PRIM2: variants seen among roughly 807,000 people sequenced by gnomAD.
PRIM2 encodes DNA primase large subunit.
A neutral mutation model predicts 67.3 loss-of-function variants in PRIM2; 39 were observed. That is an observed-to-expected ratio of 0.58 (90% CI 0.45 to 0.76). The LOEUF (loss-of-function observed/expected upper bound fraction) is 0.76. Among genes scored for constraint, PRIM2 ranks in the 30% least tolerant of loss-of-function variants. The pLI, the probability that PRIM2 is intolerant of heterozygous loss-of-function variation, is 0.00. For synonymous variants in PRIM2, 143 were observed against 198.7 expected (o/e 0.72, Z 2.36); for missense variants, 398 against 598.7 (o/e 0.66, Z 3.50).
At chr6:57,312,144 A>G (rs910730461), upstream of PRIM2, among the ~76,000 whole-genome samples, 1 of 152,082 alleles carries the variant, frequency 6.6e-6, no homozygotes, top group Non-Finnish European at 1.5e-5. Flanking sequence ...TGTTAATTTT[A>G]TCATCTCGCA....
rs539233787 is a variant in PRIM2, at chr6:57,403,954, G to A, written c.693+21786G>A. 3.4e-5 allele frequency among the ~76,000 whole-genome samples: 5 copies of A among 147,286 alleles called. 1 individual carries two copies. The South Asian group carries it at 1.1e-3, about 33-fold the overall frequency. On this transcript the variant is annotated intron_variant, in intron 7 of 13. Transcript: ENST00000615550. Reference sequence around the variant, plus strand: ...GGGCCTGCTTCCTGGTTTGCAGATGGCTGTCTTCTCATTGTATCTTCAAAT... The same window carrying A: ...GGGCCTGCTTCCTGGTTTGCAGATGACTGTCTTCTCATTGTATCTTCAAAT...
At chr6:57,570,873 C>T (rs1180258102) in intron 10 of PRIM2, among the ~76,000 whole-genome samples, 1 of 152,114 alleles carries the variant, frequency 6.6e-6, no homozygotes, top group Non-Finnish European at 1.5e-5. Flanking sequence ...CTTTCTTCAT[C>T]TTCAGGTTGT....
chr6:57,425,405 T>A (rs1581892654), intron 7 of PRIM2, among the ~76,000 whole-genome samples: 1 of 152,038 alleles, frequency 6.6e-6, no homozygotes, highest in African/African-American at 2.4e-5. Flanking sequence ...TTAGTAGAGA[T>A]GGGGTTTCAC....
At chr6:57,241,405 T>C in the PRIM2 span, among the ~76,000 whole-genome samples, 11 of 151,872 alleles carry the variant, frequency 7.2e-5, no homozygotes, top group Non-Finnish European at 1.5e-4. Context: ...TGAGACCCTG[T>C]TTTAAAAAAT....
At chr6:57,489,337 A>G (rs1171647357) in intron 7 of PRIM2, among the ~76,000 whole-genome samples, 2 of 152,224 alleles carry the variant, frequency 1.3e-5, no homozygotes, top group Non-Finnish European at 2.9e-5. Context: ...CAGGCAGATC[A>G]TGAGGTCAGG....
At chr6:57,608,398 TTAAAAAA>T (rs1164505367) in intron 12 of PRIM2, among the ~76,000 whole-genome samples, 2 of 152,148 alleles carry the variant, frequency 1.3e-5, no homozygotes, top group African/African-American at 4.8e-5. Flanking sequence ...TTATACTTGC[TTAAAAAA>T]TTAATGAAAG....
chr6:57,529,108 A>G (rs1774830149), intron 8 of PRIM2, among the ~76,000 whole-genome samples: 1 of 152,162 alleles, frequency 6.6e-6, no homozygotes, highest in African/African-American at 2.4e-5. Flanking sequence ...CAGGAGATCA[A>G]CACCATCCTA....
At chr6:57,324,067 G>C in intron 3 of PRIM2, 134 bp from the exon 4 acceptor site, 1 of 570,918 alleles carries the variant, frequency 1.8e-6, no homozygotes, top group South Asian at 2.2e-5. Flanking sequence ...CTGGGTGGTA[G>C]AGCAAGACCC....
intron 7 of PRIM2, among the ~76,000 whole-genome samples, chr6:57,443,451 G>A (rs556734948): frequency 6.0e-4 from 91 of 152,334 alleles, no homozygotes; most frequent in Middle Eastern, 3.4e-3. Flanking sequence ...TCTGGCAGGT[G>A]TGAGATGGTA....
chr6:57,463,541 T>C lies in PRIM2; in HGVS notation c.694-43846T>C, dbSNP rs367581642. ...TAAAGGAGATTGGCTAGATAATATC[T>C]CTGGTTGTTTCTATCTTTAATTATT... On this transcript the variant is annotated intron_variant, in intron 7 of 13. Coordinates refer to ENST00000615550, the MANE Select transcript of PRIM2 (RefSeq NM_000947.5). 8.2e-3 allele frequency among the ~76,000 whole-genome samples: 1,244 copies of C among 152,320 alleles called. 22 individuals carry two copies. Among genetic ancestry groups the C allele is most frequent in the African/African-American group, 0.028 (1,185 of 41,580 alleles).
At chr6:57,593,743 A>T (rs2127489280) in intron 10 of PRIM2, among the ~76,000 whole-genome samples, 1 of 152,356 alleles carries the variant, frequency 6.6e-6, no homozygotes, top group South Asian at 2.1e-4. Flanking sequence ...ACCAGAGATG[A>T]CAATTTGTTT....
intron 5 of PRIM2, among the ~76,000 whole-genome samples, chr6:57,337,832 G>A (rs1339784338): frequency 6.6e-6 from 1 of 152,154 alleles, no homozygotes; most frequent in Non-Finnish European, 1.5e-5. Flanking sequence ...TTAAAAGGTA[G>A]CAGAAGGCAA....
chr6:57,247,726 A>T, the PRIM2 span, among the ~76,000 whole-genome samples: 1 of 152,180 alleles, frequency 6.6e-6, no homozygotes, highest in Admixed American at 6.5e-5. Flanking sequence ...AATTTAAAGA[A>T]TCTTGAGGTT....
the PRIM2 span, among the ~76,000 whole-genome samples, chr6:57,247,947 A>C: frequency 6.6e-6 from 1 of 152,238 alleles, no homozygotes; most frequent in African/African-American, 2.4e-5. Context: ...TGAGTACAGT[A>C]TATTAGTTAA....
chr6:57,636,731 ATCTCTGAAAAAAAGGCAGTAGCCCCAG>A (rs1203314799), intron 13 of PRIM2, among the ~76,000 whole-genome samples: 7 of 152,302 alleles, frequency 4.6e-5, no homozygotes, highest in Admixed American at 1.3e-4. Flanking sequence ...AAGATTAATT[ATCTCTGAAAAAAAGGCAGTAGCCCCAG>A]TCAGGGGCTT....
chr6:57,622,158 A>G (rs1373156247), intron 12 of PRIM2, among the ~76,000 whole-genome samples: 5 of 152,218 alleles, frequency 3.3e-5, no homozygotes, highest in African/African-American at 1.2e-4. Context: ...TTCACAGAGT[A>G]ATAATGGTAT....
At chr6:57,229,015 T>A in the PRIM2 span, among the ~76,000 whole-genome samples, 1 of 152,228 alleles carries the variant, frequency 6.6e-6, no homozygotes, top group South Asian at 2.1e-4. Context: ...GCCAATGATA[T>A]ATCTTTTTCT....
chr6:57,343,451 G>A (rs1768562004), intron 5 of PRIM2, among the ~76,000 whole-genome samples: 1 of 152,212 alleles, frequency 6.6e-6, no homozygotes, highest in East Asian at 1.9e-4. Flanking sequence ...AGAGAGCTGT[G>A]TGTACCTTTT....
At chr6:57,310,878 G>A (rs1161854878), upstream of PRIM2, among the ~76,000 whole-genome samples, 2 of 149,548 alleles carry the variant, frequency 1.3e-5, no homozygotes, top group African/African-American at 4.9e-5. Context: ...GGGCAGAGGC[G>A]CTCCTCACTT....
Sources: allele counts gnomAD v4.1 joint callset (sites outside exome capture counted in the v4.1 genomes callset), GRCh38; gene constraint gnomAD v4.1.1; transcripts MANE v1.5; gene names NCBI Gene and HGNC (gene_info 2026-07-23, HGNC 2026-07-21).